Variants in BCL11B observed in about 807,000 individuals in gnomAD.
BCL11B encodes the protein B-cell lymphoma/leukemia 11B.
A neutral mutation model predicts 49.9 loss-of-function variants in BCL11B; 8 were observed. The observed-to-expected ratio is 0.16, with a 90% CI of 0.09 to 0.29. The LOEUF is 0.29. Ranked by LOEUF, BCL11B falls within the 10% of genes least tolerant of loss-of-function variation. BCL11B has a pLI of 1.00. For synonymous variants in BCL11B, 739 were observed against 637.4 expected (o/e 1.16, Z -2.40); for missense variants, 1,006 against 1,351.0 (o/e 0.74, Z 4.00).
chr14:99,270,893 A>G (rs1361606804), intron 1 of BCL11B, among the ~76,000 whole-genome samples: 7 of 148,762 alleles, frequency 4.7e-5, no homozygotes, highest in African/African-American at 1.7e-4. Flanking sequence ...TCCAGCCTGC[A>G]TGCCCCCTCC....
rs1285538634 is a variant in BCL11B, at chr14:99,173,877, TAAA to T, written c.*271_*273del. ...GGAATTCAAACAGAAAAAATAATAA[TAAA>T]AAGTACCTGCACATGCCAAAAAAAT... On this transcript the variant is annotated 3_prime_UTR_variant, in exon 4 of 4. Transcript: ENST00000357195. The T allele has an allele frequency of 4.4e-6, 2 of 452,796 alleles. No homozygotes were observed. Among genetic ancestry groups the T allele is most frequent in the Non-Finnish European group, 7.8e-6 (2 of 255,870 alleles). 28.0% of individuals were successfully genotyped at this position (452,796 alleles called of 1,614,324 possible). A position where few individuals can be genotyped will look rare whatever the true frequency, so the allele number is the denominator to read the frequency against.
chr14:99,268,748 G>A (rs1421532471), intron 1 of BCL11B, among the ~76,000 whole-genome samples: 1 of 152,166 alleles, frequency 6.6e-6, no homozygotes, highest in Non-Finnish European at 1.5e-5. Flanking sequence ...TGTACACATA[G>A]CCTGGGCTCC....
In BCL11B at chr14:99,176,207, C is replaced by T. The variant is rs1566795299; in HGVS notation, c.641-12G>A. ...AGGCTCATCTTTACCTGGGGAAACACACGGACAGAAAGGCAGAGACAGCGT... is the reference window on the plus strand; with the variant it reads ...AGGCTCATCTTTACCTGGGGAAACATACGGACAGAAAGGCAGAGACAGCGT... On this transcript the variant is annotated splice_polypyrimidine_tract_variant and intron_variant, in intron 3 of 3. Transcript: ENST00000357195. 1.9e-6 allele frequency: 3 copies of T among 1,608,366 alleles called. No homozygotes were observed. Among genetic ancestry groups the T allele is most frequent in the Non-Finnish European group, 1.7e-6 (2 of 1,177,616 alleles).
In BCL11B at chr14:99,194,805, G is replaced by A. The variant is rs533872607; in HGVS notation, c.641-18610C>T. 1.4e-4 allele frequency among the ~76,000 whole-genome samples: 22 copies of A among 152,292 alleles called. No individual in the cohort carries two copies. Among genetic ancestry groups the A allele is most frequent in the Non-Finnish European group, 2.5e-4 (17 of 68,014 alleles). ...ACGGCCTTCGATAATAGCAACCCCC[G>A]AGGATGCAGACAGGCCTGAACCACG... On this transcript the variant is annotated intron_variant, in intron 3 of 3. Coordinates refer to ENST00000357195, the MANE Select transcript of BCL11B (RefSeq NM_138576.4). The surrounding 1 kb of genome is among the most constrained non-coding windows in gnomAD (Gnocchi z 4.6).
At chr14:99,200,106 GT>G (rs1360627159) in intron 3 of BCL11B, among the ~76,000 whole-genome samples, 1 of 151,444 alleles carries the variant, frequency 6.6e-6, no homozygotes, top group Non-Finnish European at 1.5e-5. Flanking sequence ...AGGGACTCTC[GT>G]CTTTTTTTTT....
chr14:99,267,508 T>C (rs1249474393), intron 1 of BCL11B, among the ~76,000 whole-genome samples: 2 of 144,490 alleles, frequency 1.4e-5, no homozygotes, highest in Non-Finnish European at 3.0e-5. Context: ...TCTAATGATA[T>C]GGGGTTCCCT....
chr14:99,171,656 T>C lies in BCL11B; in HGVS notation c.*2495A>G, dbSNP rs1886294133. On this transcript the variant is annotated 3_prime_UTR_variant, in exon 4 of 4. Transcript: ENST00000357195. ...CAATAACAATATTAAGCACTTTTTT[T>C]CTACATACTTTTTCTACATGGTGTA... 1 of 210,110 alleles carries C rather than the reference T, an allele frequency of 4.8e-6. No homozygotes were observed. The highest frequency in any genetic ancestry group is 2.3e-5 in the African/African-American group (1 of 43,980). The allele number at this position is 210,110 out of a possible 1,614,324, so 13.0% of individuals were successfully genotyped here. A position where few individuals can be genotyped will look rare whatever the true frequency, so the allele number is the denominator to read the frequency against.
Position 99,192,189 on chromosome 14 carries a change from G to A in BCL11B, c.641-15994C>T, listed in dbSNP as rs998509295. Among the ~76,000 whole-genome samples the A allele has an allele frequency of 2.6e-5, 4 of 152,266 alleles. No individual in the cohort carries two copies. The highest frequency in any genetic ancestry group is 1.9e-4 in the East Asian group (1 of 5,178). On this transcript the variant is annotated intron_variant, in intron 3 of 3. Coordinates refer to ENST00000357195, the MANE Select transcript of BCL11B (RefSeq NM_138576.4). The surrounding 1 kb of genome is among the most constrained non-coding windows in gnomAD (Gnocchi z 4.0). ...GTGCTGGCTCCACTGGACGGAATGC[G>A]TGTGTTTTGCTTGGCGGCTGTTCAT...
chr14:99,175,157 G>A lies in BCL11B; in HGVS notation c.1679C>T (p.Ser560Leu), dbSNP rs1200651928. ...GTTCTCGCGGTTGCGGCTCAGCTCCGAGTCCATGCTGAAGCTCGACTCGGG... is the reference window on the plus strand; with the variant it reads ...GTTCTCGCGGTTGCGGCTCAGCTCCAAGTCCATGCTGAAGCTCGACTCGGG... ...SRPESSFSMDSELSRNRENGG... is the reference protein window; with the variant it reads ...SRPESSFSMDLELSRNRENGG... Residue 560 changes from serine to leucine, a missense_variant, in exon 4 of 4, where the codon TCG becomes TTG. Physicochemically the swap from Ser to Leu is moderately radical, Grantham distance 145. Coordinates refer to ENST00000357195, the MANE Select transcript of BCL11B (RefSeq NM_138576.4). 3 of 1,593,498 alleles carry A rather than the reference G, an allele frequency of 1.9e-6. No homozygotes were observed. The highest frequency in any genetic ancestry group is 1.1e-5 in the South Asian group (1 of 89,852).
In BCL11B at chr14:99,257,961, G is replaced by A; in HGVS notation, c.59-122C>T. 1 of 1,242,980 alleles carries A rather than the reference G, an allele frequency of 8.0e-7. No homozygotes were observed. Among genetic ancestry groups the A allele is most frequent in the Middle Eastern group, 2.8e-4 (1 of 3,542 alleles). 77.0% of individuals were successfully genotyped at this position (1,242,980 alleles called of 1,614,324 possible). A position where few individuals can be genotyped will look rare whatever the true frequency, so the allele number is the denominator to read the frequency against. On this transcript the variant is annotated intron_variant, in intron 1 of 3. Coordinates refer to ENST00000357195, the MANE Select transcript of BCL11B (RefSeq NM_138576.4). The surrounding 1 kb of genome is among the most constrained non-coding windows in gnomAD (Gnocchi z 6.2). ...GAAGCAGCCCCCTCTGCTGCTGGCT[G>A]CCAGAGCTCACCAGGTCCTCCCCGG... is the stretch of plus-strand genomic sequence containing the variant.
chr14:99,219,741 T>G (rs909655032), intron 3 of BCL11B, among the ~76,000 whole-genome samples: 8 of 151,932 alleles, frequency 5.3e-5, no homozygotes, highest in Admixed American at 1.3e-4. Context: ...TTTGTAGAAT[T>G]TTCTTCCCCA....
intron 3 of BCL11B, among the ~76,000 whole-genome samples, chr14:99,208,702 T>G (rs1887603721): frequency 6.6e-6 from 1 of 152,184 alleles, no homozygotes; most frequent in Non-Finnish European, 1.5e-5. Flanking sequence ...CAGAATCCAC[T>G]GGGCCCGTTG....
At chr14:99,268,086 T>A (rs1472525211) in intron 1 of BCL11B, among the ~76,000 whole-genome samples, 1 of 152,166 alleles carries the variant, frequency 6.6e-6, no homozygotes, top group Non-Finnish European at 1.5e-5. Flanking sequence ...TTTTTATTAA[T>A]AGCTGTGTCT....
At chr14:99,198,713 C>T (rs530609816) in intron 3 of BCL11B, among the ~76,000 whole-genome samples, 1 of 152,258 alleles carries the variant, frequency 6.6e-6, no homozygotes, top group African/African-American at 2.4e-5. Context: ...CCGCACCTTC[C>T]GAAATGCACT....
chr14:99,270,695 G>A, intron 1 of BCL11B, among the ~76,000 whole-genome samples: 1 of 150,636 alleles, frequency 6.6e-6, no homozygotes, highest in Non-Finnish European at 1.5e-5. Context: ...GCTCTCCTCC[G>A]CCCGCGCCGT....
rs1260680534 is a variant in BCL11B at position 99,247,675 on chromosome 14, G to T, written c.427+9796C>A. ...TCAGGAGGTAGACGCGTGTTTTCTG[G>T]ACACTCTTGTGGATTGGACGGATGG... On this transcript the variant is annotated intron_variant, in intron 2 of 3. Coordinates refer to ENST00000357195, the MANE Select transcript of BCL11B (RefSeq NM_138576.4). The surrounding 1 kb of genome is among the most constrained non-coding windows in gnomAD (Gnocchi z 4.5). Among the ~76,000 whole-genome samples, 2 of 152,232 alleles carry T rather than the reference G, an allele frequency of 1.3e-5. No homozygotes were observed. The highest frequency in any genetic ancestry group is 2.9e-5 in the Non-Finnish European group (2 of 68,034).
At chr14:99,245,897 C>T (rs1257140021) in intron 2 of BCL11B, among the ~76,000 whole-genome samples, 1 of 151,012 alleles carries the variant, frequency 6.6e-6, no homozygotes, top group African/African-American at 2.4e-5. Flanking sequence ...GGGGCTGGCC[C>T]GGGGCCAGAG....
intron 2 of BCL11B, among the ~76,000 whole-genome samples, chr14:99,235,328 T>A (rs1253464038): frequency 1.3e-5 from 2 of 152,092 alleles, no homozygotes; most frequent in African/African-American, 4.8e-5. Context: ...AGTGCAGAAA[T>A]GAGTCATAGA....
intron 2 of BCL11B, among the ~76,000 whole-genome samples, chr14:99,250,344 C>T (rs1347003334): frequency 6.6e-6 from 1 of 151,714 alleles, no homozygotes; most frequent in Non-Finnish European, 1.5e-5. Context: ...AGGAGAATCT[C>T]TTGAACCTAG....
Sources: gnomAD v4.1 joint callset for allele counts (sites outside exome capture counted in the v4.1 genomes callset) on GRCh38, gnomAD v4.1.1 for gene constraint, Gnocchi (gnomAD v3.1) non-coding constraint, MANE v1.5 for transcripts, NCBI Gene and HGNC (gene_info 2026-07-23, HGNC 2026-07-21) for gene names.